The following SNX8 variants were observed in gnomAD, a reference collection of about 807,000 sequenced individuals.
SNX8 encodes the protein sorting nexin-8.
A neutral mutation model predicts 51.6 loss-of-function variants in SNX8; 25 were observed. The observed-to-expected ratio is 0.48, with a 90% CI of 0.35 to 0.68. SNX8 has a LOEUF of 0.68. Ranked by LOEUF, SNX8 falls within the 30% of genes least tolerant of loss-of-function variation. The pLI is 0.00. For missense variants in SNX8, 695 were observed against 624.0 expected (o/e 1.11, Z -1.21); for synonymous variants, 324 against 277.0 (o/e 1.17, Z -1.68).
chr7:2,290,598 C>T (rs887102311), intron 1 of SNX8, among the ~76,000 whole-genome samples: 2 of 152,182 alleles, frequency 1.3e-5, no homozygotes, highest in Non-Finnish European at 2.9e-5. Flanking sequence ...ATTTAATTCA[C>T]GTGAGCAAGA....
At chr7:2,340,877 A>C (rs868728433) in intron 1 of SNX8, among the ~76,000 whole-genome samples, 1,562 of 150,228 alleles carry the variant, frequency 0.01, 57 homozygotes, top group African/African-American at 0.032. Context: ...AAAAAAAAAA[A>C]AAAAAAACTC....
intron 1 of SNX8, among the ~76,000 whole-genome samples, chr7:2,303,365 G>A (rs1216179686): frequency 4.6e-5 from 7 of 151,408 alleles, no homozygotes; most frequent in Non-Finnish European, 7.4e-5. Flanking sequence ...CAGCCGCCCC[G>A]TCTGGGAGGT....
intron 5 of SNX8, among the ~76,000 whole-genome samples, chr7:2,268,010 T>TA (rs1795518360): frequency 6.7e-6 from 1 of 148,744 alleles, no homozygotes; most frequent in African/African-American, 2.5e-5. Context: ...CGAGACCCCG[T>TA]CTGGGAGGTG....
chr7:2,303,117 C>T (rs550798001), intron 1 of SNX8, among the ~76,000 whole-genome samples: 144 of 146,414 alleles, frequency 9.8e-4, no homozygotes, highest in African/African-American at 3.4e-3. Context: ...GGGGGGTCAG[C>T]CCCCCGCCCG....
intron 1 of SNX8, among the ~76,000 whole-genome samples, chr7:2,304,947 A>G (rs1330638873): frequency 2.0e-5 from 3 of 152,152 alleles, no homozygotes; most frequent in African/African-American, 4.8e-5. Flanking sequence ...CCAGTAATGA[A>G]TATCATCTGA....
chr7:2,251,957 G>C lies in SNX8; in HGVS notation c.*3099C>G, dbSNP rs1256670885. On this transcript the variant is annotated 3_prime_UTR_variant, in exon 11 of 11. Coordinates refer to ENST00000222990, the MANE Select transcript of SNX8 (RefSeq NM_013321.4). ...GAGCTGCCCTGACATCCCTTGGCTC[G>C]GAGTCCCTGTGCCCCATGTCAGAGC... 6.6e-6 allele frequency: 1 copy of C among 152,230 alleles called. No homozygotes were observed. The highest frequency in any genetic ancestry group is 1.5e-5 in the Non-Finnish European group (1 of 68,076). The allele number at this position is 152,230 out of a possible 1,614,324, so 9.4% of individuals were successfully genotyped here. A position where few individuals can be genotyped will look rare whatever the true frequency, so the allele number is the denominator to read the frequency against.
intron 2 of SNX8, among the ~76,000 whole-genome samples, chr7:2,276,817 C>T (rs1795791590): frequency 6.6e-6 from 1 of 152,130 alleles, no homozygotes; most frequent in Non-Finnish European, 1.5e-5. Flanking sequence ...TGGTGGCATC[C>T]GCCTGTGGTT....
intron 1 of SNX8, among the ~76,000 whole-genome samples, chr7:2,341,628 C>T (rs959547626): frequency 9.9e-5 from 15 of 152,046 alleles, no homozygotes; most frequent in Admixed American, 9.9e-4. Context: ...GCCATGTTCT[C>T]ACCACTTCAC....
At chr7:2,345,663 C>CA (rs1403326436) in intron 1 of SNX8, among the ~76,000 whole-genome samples, 1 of 144,578 alleles carries the variant, frequency 6.9e-6, no homozygotes, top group Non-Finnish European at 1.5e-5. Context: ...CTGGGCGAGA[C>CA]AGAGTGAGAA....
At chr7:2,345,564 G>A (rs1200104351) in intron 1 of SNX8, among the ~76,000 whole-genome samples, 1 of 151,904 alleles carries the variant, frequency 6.6e-6, no homozygotes, top group East Asian at 1.9e-4. Flanking sequence ...TGTAATCCCA[G>A]CTACTTGGGA....
chr7:2,321,314 A>T (rs1489597239), intron 1 of SNX8, among the ~76,000 whole-genome samples: 1 of 152,116 alleles, frequency 6.6e-6, no homozygotes, highest in Non-Finnish European at 1.5e-5. Context: ...GGATCCCTCT[A>T]GTGTTTGGAG....
At chr7:2,273,534 C>T (rs1261521392) in intron 3 of SNX8, among the ~76,000 whole-genome samples, 13 of 148,814 alleles carry the variant, frequency 8.7e-5, no homozygotes, top group African/African-American at 3.2e-4. Flanking sequence ...TGCAGTGAGC[C>T]GAGACCGCAC....
chr7:2,334,643 T>C (rs1778792598), intron 1 of SNX8, among the ~76,000 whole-genome samples: 1 of 151,702 alleles, frequency 6.6e-6, no homozygotes. Flanking sequence ...GAGGTTGCAG[T>C]AAGCTGAGAT....
At chr7:2,289,103 T>A (rs1360314963) in intron 1 of SNX8, among the ~76,000 whole-genome samples, 3 of 152,294 alleles carry the variant, frequency 2.0e-5, no homozygotes, top group African/African-American at 7.2e-5. Context: ...TCCCTCAGCA[T>A]CAGGCTGCGA....
At chr7:2,297,349 G>A (rs923029473) in intron 1 of SNX8, among the ~76,000 whole-genome samples, 10 of 151,318 alleles carry the variant, frequency 6.6e-5, no homozygotes, top group African/African-American at 1.7e-4. Flanking sequence ...TCAGGAGTTC[G>A]AGACCAGCCT....
At chr7:2,354,359 G>C (rs1437987955), upstream of SNX8, 1 of 152,262 alleles carries the variant, frequency 6.6e-6, no homozygotes, top group Non-Finnish European at 1.5e-5. Context: ...ACACGGACAG[G>C]GGGGACTTTA....
chr7:2,336,744 C>G (rs1778837327), intron 1 of SNX8, among the ~76,000 whole-genome samples: 1 of 151,758 alleles, frequency 6.6e-6, no homozygotes, highest in Non-Finnish European at 1.5e-5. Flanking sequence ...CAGTGGCTCA[C>G]CCCTGTTATC....
chr7:2,349,683 C>T lies in SNX8; in HGVS notation c.-66+4539G>A, dbSNP rs149692348. On this transcript the variant is annotated intron_variant, in intron 1 of 5. Coordinates refer to the SNX8 transcript ENST00000435336. ...AACTCCTGCCTTCAAGAGATCTGCCCACCTCAGCTCCCAAAGTGTTGGGAT... is the reference window on the plus strand; with the variant it reads ...AACTCCTGCCTTCAAGAGATCTGCCTACCTCAGCTCCCAAAGTGTTGGGAT... 8.4e-3 allele frequency among the ~76,000 whole-genome samples: 1,278 copies of T among 152,176 alleles called. 11 individuals carry two copies. The highest frequency in any genetic ancestry group is 0.029 in the African/African-American group (1,197 of 41,518).
chr7:2,326,869 G>A (rs1340529421), intron 1 of SNX8, among the ~76,000 whole-genome samples: 1 of 152,086 alleles, frequency 6.6e-6, no homozygotes, highest in Non-Finnish European at 1.5e-5. Context: ...ACTTTGGGAG[G>A]CCGAGGCAGG....
Sources: allele counts gnomAD v4.1 joint callset (sites outside exome capture counted in the v4.1 genomes callset), GRCh38; gene constraint gnomAD v4.1.1; transcripts MANE v1.5; gene names NCBI Gene and HGNC (gene_info 2026-07-23, HGNC 2026-07-21).